Variants in PLEKHG1 observed in about 807,000 individuals in gnomAD.
PLEKHG1 encodes the protein pleckstrin homology and RhoGEF domain containing G1, also known as pleckstrin homology domain-containing family G member 1.
PLEKHG1 carries 44 observed loss-of-function variants against 100.8 expected under a neutral mutation model. The ratio of observed to expected loss-of-function variants is 0.44; its 90% CI spans 0.34 to 0.56. The LOEUF (loss-of-function observed/expected upper bound fraction) is 0.56, where lower values mean the gene tolerates loss of function less well. Ranked by LOEUF, PLEKHG1 falls within the 20% of genes least tolerant of loss-of-function variation. PLEKHG1 has a pLI of 0.01. For synonymous variants in PLEKHG1, 640 were observed against 662.5 expected (o/e 0.97, Z 0.52); for missense variants, 1,545 against 1,720.9 (o/e 0.90, Z 1.81).
intron 3 of PLEKHG1, among the ~76,000 whole-genome samples, chr6:150,654,106 G>A (rs1778865846): frequency 6.6e-6 from 1 of 152,200 alleles, no homozygotes; most frequent in Non-Finnish European, 1.5e-5. Flanking sequence ...TTTGATGGAA[G>A]GGCATCAGGG....
intron 10 of PLEKHG1, among the ~76,000 whole-genome samples, chr6:150,815,788 T>G (rs1199226595): frequency 1.3e-5 from 2 of 152,224 alleles, no homozygotes; most frequent in Non-Finnish European, 2.9e-5. Context: ...TTAAAAGTTA[T>G]TTTTAGCATA....
chr6:150,839,245 GC>G (rs1420104398), intron 15 of PLEKHG1, among the ~76,000 whole-genome samples: 2 of 152,174 alleles, frequency 1.3e-5, no homozygotes, highest in Non-Finnish European at 2.9e-5. Flanking sequence ...CTCCCAAGTA[GC>G]TGGGACTACA....
intron 3 of PLEKHG1, among the ~76,000 whole-genome samples, chr6:150,707,573 C>G (rs888943135): frequency 2.0e-5 from 3 of 152,120 alleles, no homozygotes; most frequent in African/African-American, 7.2e-5. Context: ...TTAGCTCTAC[C>G]CACTGCTGCT....
rs1165103054 is a variant in PLEKHG1 at position 150,805,285 on chromosome 6, T to TG, written c.912+544_912+545insG. 2.0e-5 allele frequency among the ~76,000 whole-genome samples: 3 copies of TG among 152,344 alleles called. No individual in the cohort carries two copies. In the East Asian group the frequency reaches 5.8e-4, roughly 29 times the overall value. On this transcript the variant is annotated intron_variant, in intron 7 of 15. Transcript: ENST00000358517. The stretch of plus-strand genomic sequence containing the variant: ...TTTGCTTATAGCCCCTTTGATGGTC[T>TG]AAGTTACAATTTTGAGCCTCCCACT...
intron 2 of PLEKHG1, among the ~76,000 whole-genome samples, chr6:150,742,622 AGATCTTAC>A (rs912540159): frequency 1.3e-5 from 2 of 150,028 alleles, no homozygotes; most frequent in African/African-American, 4.9e-5. Flanking sequence ...ACACTCAACC[AGATCTTAC>A]GAGAGCTCAC....
chr6:150,691,367 A>G (rs1051550080), intron 3 of PLEKHG1, among the ~76,000 whole-genome samples: 1 of 152,190 alleles, frequency 6.6e-6, no homozygotes, highest in Non-Finnish European at 1.5e-5. Context: ...ATTTATTTTC[A>G]GTTATACTTC....
At chr6:150,722,424 G>A (rs1192420197) in intron 1 of PLEKHG1, among the ~76,000 whole-genome samples, 1 of 138,232 alleles carries the variant, frequency 7.2e-6, no homozygotes, top group Non-Finnish European at 1.5e-5. Context: ...CACGATCTTG[G>A]CTCACTGCAA....
intron 3 of PLEKHG1, among the ~76,000 whole-genome samples, chr6:150,670,885 C>A (rs972212709): frequency 1.4e-5 from 2 of 147,488 alleles, no homozygotes; most frequent in African/African-American, 5.1e-5. Context: ...CCCTCCCATT[C>A]TTTCCCCCAA....
intron 3 of PLEKHG1, among the ~76,000 whole-genome samples, chr6:150,697,284 C>T (rs6921304): frequency 0.83 from 126,467 of 151,920 alleles, 52,808 homozygotes; most frequent in East Asian, 0.87. Context: ...AAAGTTTCCA[C>T]TGCTGAGTGC....
intron 2 of PLEKHG1, among the ~76,000 whole-genome samples, chr6:150,756,181 C>G (rs924008329): frequency 1.3e-5 from 2 of 152,278 alleles, no homozygotes; most frequent in East Asian, 3.9e-4. Context: ...CCCCCTGGCC[C>G]CATGCTCTTT....
intron 2 of PLEKHG1, among the ~76,000 whole-genome samples, chr6:150,767,784 G>A (rs1451092829): frequency 1.3e-5 from 2 of 152,188 alleles, no homozygotes; most frequent in African/African-American, 4.8e-5. Context: ...TTGGGAGGGA[G>A]CCACACTTCA....
chr6:150,670,473 G>A (rs1779546505), intron 3 of PLEKHG1, among the ~76,000 whole-genome samples: 1 of 152,062 alleles, frequency 6.6e-6, no homozygotes, highest in Admixed American at 6.5e-5. Context: ...AGCCACCTAC[G>A]CTACACAGCC....
chr6:150,834,189 T>TGAGACTAGA (rs1187864254), intron 15 of PLEKHG1, among the ~76,000 whole-genome samples: 1 of 152,220 alleles, frequency 6.6e-6, no homozygotes, highest in Non-Finnish European at 1.5e-5. Flanking sequence ...AGAATGCATG[T>TGAGACTAGA]ATTTTTCTCC....
intron 1 of PLEKHG1, among the ~76,000 whole-genome samples, chr6:150,602,942 G>T (rs574908703): frequency 2.9e-4 from 44 of 151,854 alleles, no homozygotes; most frequent in African/African-American, 8.4e-4. Context: ...TTAGCCGGGC[G>T]AGGTGGCGGG....
chr6:150,691,070 T>TA (rs1780333891), intron 3 of PLEKHG1, among the ~76,000 whole-genome samples: 1 of 152,264 alleles, frequency 6.6e-6, no homozygotes, highest in South Asian at 2.1e-4. Flanking sequence ...ACACAGTGAA[T>TA]ATAGCAGTGA....
chr6:150,648,915 T>G (rs1778603426), intron 2 of PLEKHG1, among the ~76,000 whole-genome samples: 1 of 152,204 alleles, frequency 6.6e-6, no homozygotes, highest in South Asian at 2.1e-4. Flanking sequence ...TTTCTGTTTC[T>G]GTGATATAGT....
intron 3 of PLEKHG1, among the ~76,000 whole-genome samples, chr6:150,774,348 G>A (rs1784847502): frequency 6.6e-6 from 1 of 151,906 alleles, no homozygotes; most frequent in Non-Finnish European, 1.5e-5. Flanking sequence ...AAATTTTATT[G>A]TGAATATTGA....
chr6:150,696,348 C>T (rs966562385), intron 3 of PLEKHG1, among the ~76,000 whole-genome samples: 2 of 152,228 alleles, frequency 1.3e-5, no homozygotes, highest in African/African-American at 4.8e-5. Context: ...CCCAAAGCCA[C>T]TTCAGGGCCT....
intron 1 of PLEKHG1, among the ~76,000 whole-genome samples, chr6:150,621,982 G>T (rs1777319388): frequency 6.6e-6 from 1 of 152,206 alleles, no homozygotes; most frequent in Non-Finnish European, 1.5e-5. Context: ...CTGTAGGTAA[G>T]AGATGCACAT....
Sources: allele counts gnomAD v4.1 joint callset (sites outside exome capture counted in the v4.1 genomes callset), GRCh38; gene constraint gnomAD v4.1.1; transcripts MANE v1.5; gene names NCBI Gene and HGNC (gene_info 2026-07-23, HGNC 2026-07-21).